The following MYOF variants were observed in gnomAD, a reference collection of about 807,000 sequenced individuals.
The protein encoded by MYOF is myoferlin.
MYOF carries 244 observed loss-of-function variants against 284.2 expected under a neutral mutation model. That is an observed-to-expected ratio of 0.86 (90% CI 0.77 to 0.95). The LOEUF is 0.95. Among genes scored for constraint, MYOF ranks in the 40% least tolerant of loss-of-function variants. The pLI is 0.00. For missense variants in MYOF, 2,496 were observed against 2,560.6 expected, an observed-to-expected ratio of 0.97 and a Z score of 0.54; for synonymous variants, 904 against 919.7, an observed-to-expected ratio of 0.98 and a Z score of 0.31.
rs1411392553 is a variant in MYOF, at chr10:93,349,926, G to C, written c.3965C>G (p.Ala1322Gly). 1 of 1,614,086 alleles carries C rather than the reference G, an allele frequency of 6.2e-7. No individual in the cohort carries two copies. The highest frequency in any genetic ancestry group is 8.5e-7 in the Non-Finnish European group (1 of 1,179,986). Residue 1322 changes from alanine to glycine, a missense_variant, in exon 36 of 54, where the codon GCT becomes GGT. Around this residue, in one of 3 missense-constraint regions of MYOF, gnomAD observed 2,436 missense variants for 2,480.7 expected, o/e 0.98. Coordinates refer to ENST00000359263, the MANE Select transcript of MYOF (RefSeq NM_013451.4). Reference sequence around the variant, plus strand: ...AACAAGACTGGGGGATGTGATAGAAGCCATCTGGAAGTTTTTCATATTTCT... The same window carrying C: ...AACAAGACTGGGGGATGTGATAGAACCCATCTGGAAGTTTTTCATATTTCT... ...GLRNMKNFQM[A>G]SITSPSLVVE...
At position 93,440,422 on chromosome 10, in the gene MYOF, C is replaced by T. The variant is rs200296384; in HGVS notation, c.237-8906G>A. Reference sequence around the variant, plus strand: ...CAAGACTCCGTCTCGAAAAAAAAAACCCCCAAAACAAACCCTTATACAACA... The same window carrying T: ...CAAGACTCCGTCTCGAAAAAAAAAATCCCCAAAACAAACCCTTATACAACA... On this transcript the variant is annotated intron_variant, in intron 3 of 53. Coordinates refer to ENST00000359263, the MANE Select transcript of MYOF (RefSeq NM_013451.4). 0.018 allele frequency among the ~76,000 whole-genome samples: 17 copies of T among 928 alleles called. 1 individual carries two copies. In the South Asian group the frequency reaches 0.53, roughly 29 times the overall value. 0.6% of individuals were successfully genotyped at this position (928 alleles called of 152,430 possible).
chr10:93,421,486 G>C (rs1429229466), intron 5 of MYOF, among the ~76,000 whole-genome samples: 1 of 152,182 alleles, frequency 6.6e-6, no homozygotes, highest in East Asian at 1.9e-4. Context: ...TTGGATATCT[G>C]TCCCCTCGAA....
chr10:93,446,735 CT>C (rs552922112), intron 3 of MYOF, among the ~76,000 whole-genome samples: 2,310 of 145,306 alleles, frequency 0.016, 30 homozygotes, highest in African/African-American at 0.046. Flanking sequence ...CTCATTTGGT[CT>C]TTTTTTTTTT....
chr10:93,466,084 G>A (rs1245554006), intron 1 of MYOF, among the ~76,000 whole-genome samples: 2 of 152,174 alleles, frequency 1.3e-5, no homozygotes, highest in Non-Finnish European at 2.9e-5. Flanking sequence ...TCAACAAGGG[G>A]CAGAGAAGTT....
Position 93,372,950 on chromosome 10 carries a change from T to G in MYOF, c.2437A>C (p.Thr813Pro). 1 of 1,614,160 alleles carries G rather than the reference T, an allele frequency of 6.2e-7. No individual in the cohort carries two copies. Among genetic ancestry groups the G allele is most frequent in the Non-Finnish European group, 8.5e-7 (1 of 1,180,026 alleles). ...TGTACCTTCAGAAAGATGGTTTGGG[T>G]TTTCCCACAGTATTTTCCAGATGCA... The part of the protein sequence containing the change: ...ENASGKYCGK[T>P]QTIFLKYPQE... Residue 813 changes from threonine to proline, a missense_variant, in exon 24 of 54, where the codon ACC becomes CCC. Transcript: ENST00000359263.
chr10:93,310,444 A>G (rs2133703693), intron 52 of MYOF, 90 bp downstream of exon 52: 8 of 1,330,090 alleles, frequency 6.0e-6, no homozygotes, highest in Middle Eastern at 3.9e-4. Context: ...GGAGGACCAC[A>G]AAAGCTAATC....
chr10:93,451,612 G>A (rs1007145139), intron 3 of MYOF, among the ~76,000 whole-genome samples: 7 of 152,132 alleles, frequency 4.6e-5, no homozygotes, highest in Non-Finnish European at 8.8e-5. Flanking sequence ...ATTAAAAGGC[G>A]AAGGAGACAT....
chr10:93,466,211 C>T (rs2057005926), intron 1 of MYOF, among the ~76,000 whole-genome samples: 1 of 152,206 alleles, frequency 6.6e-6, no homozygotes, highest in Non-Finnish European at 1.5e-5. Context: ...CTGACTTTGG[C>T]TTTCCAACCT....
chr10:93,420,019 G>A (rs1207855654), intron 5 of MYOF, among the ~76,000 whole-genome samples: 2 of 152,162 alleles, frequency 1.3e-5, no homozygotes, highest in African/African-American at 2.4e-5. Context: ...TGTAATCCCA[G>A]CTACTTGGGA....
chr10:93,325,800 T>C (rs1274123973), intron 46 of MYOF, 26 bp downstream of exon 46: 3 of 1,598,476 alleles, frequency 1.9e-6, no homozygotes, highest in Non-Finnish European at 2.6e-6. Context: ...GGGATAATGG[T>C]CTTCAAGGGA....
chr10:93,387,980 T>C (rs1846477753), intron 18 of MYOF, 67 bp from the exon 19 acceptor site: 2 of 1,288,986 alleles, frequency 1.6e-6, no homozygotes, highest in Non-Finnish European at 2.2e-6. Flanking sequence ...GTGTCTCTAG[T>C]CAGGCTAATA....
At chr10:93,419,487 A>T (rs553349238) in intron 5 of MYOF, among the ~76,000 whole-genome samples, 21 of 152,226 alleles carry the variant, frequency 1.4e-4, no homozygotes, top group African/African-American at 2.2e-4. Flanking sequence ...TTAAAAAAAA[A>T]TTTTTAAACC....
At chr10:93,401,788 T>TGTGC (rs1368782826) in intron 11 of MYOF, among the ~76,000 whole-genome samples, 30 of 54,002 alleles carry the variant, frequency 5.6e-4, no homozygotes, top group African/African-American at 1.7e-3. Flanking sequence ...AGTAAGAGCC[T>TGTGC]GTGCGTGTGT....
At chr10:93,442,896 T>C (rs1315971654) in intron 3 of MYOF, among the ~76,000 whole-genome samples, 1 of 152,194 alleles carries the variant, frequency 6.6e-6, no homozygotes, top group Non-Finnish European at 1.5e-5. Flanking sequence ...CGGTGGCTTA[T>C]GCCTGTAATC....
chr10:93,411,942 T>C (rs775926223), intron 5 of MYOF, among the ~76,000 whole-genome samples: 1 of 152,190 alleles, frequency 6.6e-6, no homozygotes, highest in Non-Finnish European at 1.5e-5. Flanking sequence ...CCTGTTTTTG[T>C]CTCCTACTCA....
At chr10:93,479,263 C>G (rs984422921) in intron 1 of MYOF, among the ~76,000 whole-genome samples, 1 of 151,990 alleles carries the variant, frequency 6.6e-6, no homozygotes, top group Admixed American at 6.6e-5. Flanking sequence ...GCCTCAGCCT[C>G]CTGAGTAGCT....
rs1404153508 is a variant in MYOF, at chr10:93,409,666, TGGCCCCTTGGGCCCAG to T, written c.491_506del (p.Pro164GlnfsTer17). The T allele has an allele frequency of 6.2e-7, 1 of 1,614,232 alleles. No homozygotes were observed. Among genetic ancestry groups the T allele is most frequent in the Non-Finnish European group, 8.5e-7 (1 of 1,180,034 alleles). On this transcript the variant is annotated frameshift_variant, in exon 6 of 54. Transcript: ENST00000359263. LOFTEE classifies it high-confidence loss of function. ...GCTGAGCTTCCGACACCGTCCCAAC[TGGCCCCTTGGGCCCAG>T]GGCCCCTGACTGCATTGTCCAACCT... is the stretch of plus-strand genomic sequence containing the variant.
At chr10:93,462,167 T>C (rs937208879) in intron 1 of MYOF, among the ~76,000 whole-genome samples, 1 of 151,416 alleles carries the variant, frequency 6.6e-6, no homozygotes, top group Admixed American at 6.6e-5. Flanking sequence ...CTTTGCTCAC[T>C]ACAATCTCTC....
At chr10:93,470,314 A>C (rs1430896707) in intron 1 of MYOF, among the ~76,000 whole-genome samples, 1 of 152,208 alleles carries the variant, frequency 6.6e-6, no homozygotes, top group African/African-American at 2.4e-5. Context: ...CATGTGAAGC[A>C]TGTAGCACAG....
Sources: allele counts gnomAD v4.1 joint callset (sites outside exome capture counted in the v4.1 genomes callset), GRCh38; gene constraint gnomAD v4.1.1; regional missense constraint gnomAD v4.1.1; transcripts MANE v1.5; gene names NCBI Gene and HGNC (gene_info 2026-07-23, HGNC 2026-07-21).